Variants in MID1 observed in about 807,000 individuals in gnomAD.
MID1 encodes midline 1.
In MID1, 7 loss-of-function variants were observed where a neutral mutation model predicts 40.4. The ratio of observed to expected loss-of-function variants is 0.17; its 90% CI spans 0.10 to 0.33. The LOEUF is 0.33. Ranked by LOEUF, MID1 falls within the 10% of genes least tolerant of loss-of-function variation. The pLI is 1.00. For synonymous variants in MID1, 229 were observed against 221.2 expected, an observed-to-expected ratio of 1.04 and a Z score of -0.31; for missense variants, 367 against 558.5, an observed-to-expected ratio of 0.66 and a Z score of 3.46.
intron 2 of MID1, among the ~76,000 whole-genome samples, chrX:10,556,544 A>T (rs1026969823): frequency 2.7e-5 from 3 of 112,152 alleles, no homozygotes; most frequent in Non-Finnish European, 5.6e-5. Context: ...ACCACTGAGT[A>T]ATTTATGATA....
chrX:10,524,337 T>C lies in MID1; in HGVS notation c.661-1150A>G, dbSNP rs141019674. 8.9e-3 allele frequency among the ~76,000 whole-genome samples: 995 copies of C among 111,659 alleles called. 7 individuals are homozygous for C. Among genetic ancestry groups the C allele is most frequent in the African/African-American group, 0.027 (815 of 30,692 alleles). On this transcript the variant is annotated intron_variant, in intron 2 of 9. Coordinates refer to ENST00000317552, the MANE Select transcript of MID1 (RefSeq NM_000381.4). ...CCAATCTTTTGGCTTCCCTGGGCCA[T>C]GCTGGAAGAAGAACTGTCTTGGGCC... is the stretch of plus-strand genomic sequence containing the variant.
chrX:10,732,887 G>C (rs113694363), intron 1 of MID1, among the ~76,000 whole-genome samples: 3,592 of 100,501 alleles, frequency 0.036, 162 homozygotes, highest in African/African-American at 0.12. Flanking sequence ...TTTTTTGAGA[G>C]GGAGTCTCGC....
rs540036276 is a variant in MID1 at position 10,774,832 on chromosome X, T to C, written c.-187+58722A>G. ...TTCGTCAAATTCTGAAGGGGGCTTC[T>C]AAGCACTTTCAAGAGTTTTCAAGAT... On this transcript the variant is annotated intron_variant, in intron 1 of 10. Transcript: ENST00000380785. Among the ~76,000 whole-genome samples the C allele has an allele frequency of 3.6e-5, 4 of 111,710 alleles. No homozygotes were observed. The South Asian group carries it at 1.5e-3, about 42-fold the overall frequency.
chrX:10,829,166 A>C (rs2044235766), intron 1 of MID1, among the ~76,000 whole-genome samples: 1 of 112,200 alleles, frequency 8.9e-6, no homozygotes, highest in South Asian at 3.7e-4. Flanking sequence ...ACAGATATAA[A>C]TAACTGCACA....
At chrX:10,689,638 C>CT (rs904995220) in intron 1 of MID1, among the ~76,000 whole-genome samples, 2 of 110,921 alleles carry the variant, frequency 1.8e-5, no homozygotes, top group Non-Finnish European at 3.8e-5. Flanking sequence ...CCTGTCTAGT[C>CT]TTTTTTTCTG....
At chrX:10,822,569 A>T (rs2044182757) in intron 1 of MID1, among the ~76,000 whole-genome samples, 1 of 111,787 alleles carries the variant, frequency 8.9e-6, no homozygotes, top group African/African-American at 3.3e-5. Flanking sequence ...ATAAGATAAA[A>T]TTTTTTCACT....
At chrX:10,578,036 G>A (rs1249050122) in intron 1 of MID1, among the ~76,000 whole-genome samples, 2 of 112,411 alleles carry the variant, frequency 1.8e-5, no homozygotes, top group African/African-American at 6.5e-5. Context: ...GGCAAGAACT[G>A]CTTCCTCGGG....
At chrX:10,769,095 G>T (rs1307936628) in intron 1 of MID1, among the ~76,000 whole-genome samples, 4 of 111,580 alleles carry the variant, frequency 3.6e-5, no homozygotes, top group African/African-American at 6.5e-5. Flanking sequence ...ATCATGACAT[G>T]CAATTGTTAA....
intron 1 of MID1, among the ~76,000 whole-genome samples, chrX:10,649,300 C>T (rs1936293628): frequency 8.9e-6 from 1 of 111,852 alleles, no homozygotes. Context: ...GCACCTACAT[C>T]TTTTTCCCCT....
In MID1 at chrX:10,540,509, C is replaced by G. The variant is rs1349675210; in HGVS notation, c.661-17322G>C. 2.7e-5 allele frequency among the ~76,000 whole-genome samples: 3 copies of G among 111,688 alleles called. No individual in the cohort carries two copies. In the East Asian group the frequency reaches 8.4e-4, roughly 31 times the overall value. On this transcript the variant is annotated intron_variant, in intron 2 of 9. Transcript: ENST00000317552. ...GCATTGCTTCAAAGTGAGAGTCAGTCTGTCTTTGATTGTCTGAGACCCAAT... is the reference window on the plus strand; with the variant it reads ...GCATTGCTTCAAAGTGAGAGTCAGTGTGTCTTTGATTGTCTGAGACCCAAT...
At chrX:10,692,548 C>G (rs1412379243) in intron 1 of MID1, among the ~76,000 whole-genome samples, 1 of 110,091 alleles carries the variant, frequency 9.1e-6, no homozygotes, top group African/African-American at 3.3e-5. Context: ...ACCCGGGAGG[C>G]AGAGGCTGCA....
chrX:10,661,750 T>C (rs2042915011), intron 1 of MID1, among the ~76,000 whole-genome samples: 1 of 112,279 alleles, frequency 8.9e-6, no homozygotes, highest in South Asian at 3.7e-4. Flanking sequence ...TACAGAACCA[T>C]ATGACATTAC....
chrX:10,597,124 T>C (rs181834297), intron 1 of MID1, among the ~76,000 whole-genome samples: 1 of 111,274 alleles, frequency 9.0e-6, no homozygotes, highest in East Asian at 2.8e-4. Context: ...ATTATACATA[T>C]GTATAATGTA....
intron 1 of MID1, among the ~76,000 whole-genome samples, chrX:10,783,160 G>A (rs186143771): frequency 7.9e-4 from 88 of 111,378 alleles, no homozygotes; most frequent in Non-Finnish European, 1.5e-3. Flanking sequence ...TGGCCATACT[G>A]GACAGTACAG....
chrX:10,525,238 T>C (rs770356625), intron 2 of MID1, among the ~76,000 whole-genome samples: 1 of 112,440 alleles, frequency 8.9e-6, no homozygotes, highest in African/African-American at 3.2e-5. Context: ...AATGCATATG[T>C]CAAAAGCAGA....
At chrX:10,830,126 T>C (rs1340071877) in intron 1 of MID1, among the ~76,000 whole-genome samples, 2 of 112,456 alleles carry the variant, frequency 1.8e-5, no homozygotes, top group African/African-American at 3.2e-5. Flanking sequence ...GGCATCTACC[T>C]GGCATTATCT....
At chrX:10,740,631 A>G (rs753425192) in intron 1 of MID1, among the ~76,000 whole-genome samples, 2 of 111,913 alleles carry the variant, frequency 1.8e-5, no homozygotes, top group South Asian at 7.5e-4. Context: ...TCTCAGCCTT[A>G]GTTTTTTTGA....
chrX:10,592,411 G>A (rs1935326678), intron 1 of MID1, among the ~76,000 whole-genome samples: 2 of 108,376 alleles, frequency 1.8e-5, no homozygotes, highest in African/African-American at 6.7e-5. Context: ...TTTTACCACG[G>A]TGCATTTCCT....
intron 1 of MID1, among the ~76,000 whole-genome samples, chrX:10,758,142 G>T (rs7053765): frequency 0.067 from 5,240 of 77,674 alleles, 426 homozygotes; most frequent in African/African-American, 0.28. Context: ...TTTTTTTTTT[G>T]TTTTGTATTT....
Sources: allele counts gnomAD v4.1 joint callset (sites outside exome capture counted in the v4.1 genomes callset), GRCh38; gene constraint gnomAD v4.1.1; transcripts MANE v1.5; gene names NCBI Gene and HGNC (gene_info 2026-07-23, HGNC 2026-07-21).